ACSS3: variants seen among roughly 807,000 people sequenced by gnomAD.
ACSS3 encodes the protein acyl-CoA synthetase short chain family member 3.
ACSS3 carries 64 observed loss-of-function variants against 84.2 expected under a neutral mutation model. That is an observed-to-expected ratio of 0.76 (90% confidence interval 0.62 to 0.94). The LOEUF (loss-of-function observed/expected upper bound fraction) is 0.94, where lower values mean the gene tolerates loss of function less well. ACSS3 is among the 40% of genes least tolerant of loss of function. ACSS3 has a pLI of 0.00. For missense variants in ACSS3, 815 were observed against 867.6 expected (o/e 0.94, Z 0.76); for synonymous variants, 317 against 310.1 (o/e 1.02, Z -0.23).
intron 1 of ACSS3, among the ~76,000 whole-genome samples, chr12:81,089,093 C>T (rs35351627): frequency 0.077 from 11,752 of 151,790 alleles, 604 homozygotes; most frequent in South Asian, 0.13. Context: ...ATAATGACCA[C>T]ATTATTCATT....
chr12:81,217,815 G>C (rs1017833141), intron 10 of ACSS3, among the ~76,000 whole-genome samples: 4 of 151,914 alleles, frequency 2.6e-5, no homozygotes, highest in Non-Finnish European at 4.4e-5. Flanking sequence ...TCCAGCCTAG[G>C]CAACACAGCA....
At chr12:81,242,225 A>G (rs2033829633) in intron 13 of ACSS3, among the ~76,000 whole-genome samples, 1 of 152,176 alleles carries the variant, frequency 6.6e-6, no homozygotes, top group African/African-American at 2.4e-5. Context: ...GAATACTACA[A>G]ACACCTCTAC....
chr12:81,080,932 C>G (rs1880929458), intron 1 of ACSS3, among the ~76,000 whole-genome samples: 1 of 152,182 alleles, frequency 6.6e-6, no homozygotes, highest in Admixed American at 6.5e-5. Context: ...TTCTTTGAAG[C>G]TGGGATCTGG....
intron 7 of ACSS3, among the ~76,000 whole-genome samples, chr12:81,154,025 A>T (rs1037385886): frequency 6.6e-6 from 1 of 152,180 alleles, no homozygotes; most frequent in African/African-American, 2.4e-5. Context: ...TAGTGCTTTT[A>T]TATCTTGCAT....
At chr12:81,230,677 CAAAAAATAAATTAACTTTTCAATGGTG>C (rs1211924094) in intron 11 of ACSS3, among the ~76,000 whole-genome samples, 74 of 151,846 alleles carry the variant, frequency 4.9e-4, no homozygotes, top group African/African-American at 1.7e-3. Context: ...CTTAGTACTT[CAAAAAATAAATTAACTTTTCAATGGTG>C]AAATAATAGT....
chr12:81,149,914 C>T lies in ACSS3; in HGVS notation c.922-1930C>T, dbSNP rs548294021. ...TTTAATGCTTTTTCACGCATGTTCT[C>T]ATTTTTAAGTCTCTTTTTTTTGGTC... On this transcript the variant is annotated intron_variant, in intron 5 of 15. Transcript: ENST00000548058. Among the ~76,000 whole-genome samples the T allele has an allele frequency of 2.1e-3, 325 of 152,250 alleles. 2 individuals are homozygous for T. Among genetic ancestry groups the T allele is most frequent in the South Asian group, 3.9e-3 (19 of 4,830 alleles).
rs761743979 is a variant in ACSS3 at position 81,220,036 on chromosome 12, C to T, written c.1474C>T (p.Gln492Ter). The T allele has an allele frequency of 1.9e-6, 3 of 1,538,848 alleles. No homozygotes were observed. Among genetic ancestry groups the T allele is most frequent in the Non-Finnish European group, 2.6e-6 (3 of 1,142,332 alleles). The change falls in exon 11 of 16, where the codon CAA (glutamine) becomes TAA (stop). Residue 492 changes from glutamine to a stop codon, truncating the protein, a stop_gained. Transcript: ENST00000548058. LOFTEE classifies it high-confidence loss of function. ...YNVMILDDNMQKLKARCLGNI... is the reference protein window; with the variant it reads ...YNVMILDDNM ...AGTTATGATTTTGGATGACAACATG[C>T]AAAAACTGAAGGCTCGGTGTTTAGG... is the stretch of plus-strand genomic sequence containing the variant.
chr12:81,139,360 T>C, intron 4 of ACSS3, 95 bp downstream of exon 4: 5 of 1,361,880 alleles, frequency 3.7e-6, no homozygotes, highest in Non-Finnish European at 5.1e-6. Flanking sequence ...ATTTATAAGC[T>C]ATTAAGTATA....
At chr12:81,242,609 A>G (rs55657789) in intron 13 of ACSS3, among the ~76,000 whole-genome samples, 4,077 of 147,996 alleles carry the variant, frequency 0.028, 73 homozygotes, top group Non-Finnish European at 0.042. Flanking sequence ...AAAATCCTCA[A>G]TAAAATACTG....
At position 81,233,331 on chromosome 12, in the gene ACSS3, A is replaced by AT; in HGVS notation, c.1597-12dup. The AT allele has an allele frequency of 5.6e-6, 9 of 1,607,808 alleles. No homozygotes were observed. The highest frequency in any genetic ancestry group is 7.7e-6 in the Non-Finnish European group (9 of 1,175,854). ...TAACAGTACATGCTAATCAAATGTT[A>AT]TTTTTTCTTGTTTTCAGGGATATTA... On this transcript the variant is annotated splice_polypyrimidine_tract_variant and intron_variant, in intron 12 of 15. Transcript: ENST00000548058.
intron 1 of ACSS3, among the ~76,000 whole-genome samples, chr12:81,105,691 T>C (rs949398565): frequency 1.3e-5 from 2 of 152,234 alleles, no homozygotes; most frequent in Admixed American, 6.5e-5. Flanking sequence ...ATTGAGTGAC[T>C]AATACATGGC....
At chr12:81,100,027 C>G (rs1024389974) in intron 1 of ACSS3, among the ~76,000 whole-genome samples, 1 of 152,032 alleles carries the variant, frequency 6.6e-6, no homozygotes. Context: ...AACAAGGCCA[C>G]AGTCAAACAT....
At position 81,257,463 on chromosome 12, in the gene ACSS3, A is replaced by C. The variant is rs2034343772; in HGVS notation, c.*2541A>C. 1 of 152,154 alleles carries C rather than the reference A, an allele frequency of 6.6e-6. No homozygotes were observed. The highest frequency in any genetic ancestry group is 1.5e-5 in the Non-Finnish European group (1 of 68,030). The allele number at this position is 152,154 out of a possible 1,614,324, so 9.4% of individuals were successfully genotyped here. ...AACAACAATATAATATTACTAAAAA[A>C]TGCAGACATACTTAAACTTGCTAGA... On this transcript the variant is annotated 3_prime_UTR_variant, in exon 16 of 16. Transcript: ENST00000548058.
rs145240677 is a variant in ACSS3 at position 81,199,440 on chromosome 12, A to G, written c.1350A>G (p.Gln450=). The change falls in exon 9 of 16, where the codon CAA becomes CAG. Residue 450 remains glutamine, a synonymous_variant. Coordinates refer to ENST00000548058, the MANE Select transcript of ACSS3 (RefSeq NM_024560.4). ...FRVPVLDHWW[Q]TETGSPITAS... ...TACCTGTCTTAGACCATTGGTGGCA[A>G]ACTGGTAAGCATTTTCCTAGCATGT... 3.3e-4 allele frequency: 534 copies of G among 1,611,946 alleles called. 3 individuals are homozygous for G. The African/African-American group carries it at 6.7e-3, about 20-fold the overall frequency.
Position 81,109,559 on chromosome 12 carries a change from G to A in ACSS3, c.312-1G>A. 1.9e-6 allele frequency: 3 copies of A among 1,602,070 alleles called. No individual in the cohort carries two copies. Among genetic ancestry groups the A allele is most frequent in the Non-Finnish European group, 2.6e-6 (3 of 1,175,808 alleles). On this transcript the variant is annotated splice_acceptor_variant, in intron 1 of 15. Transcript: ENST00000548058. LOFTEE classifies it high-confidence loss of function. ...ACCTTTACTTTCCAATTATTTTTCA[G>A]GTTTGTGGAAGGAATGCTTAACATT...
intron 8 of ACSS3, among the ~76,000 whole-genome samples, 160 bp downstream of exon 8, chr12:81,175,099 T>A (rs2030377043): frequency 1.3e-5 from 2 of 152,240 alleles, no homozygotes; most frequent in Non-Finnish European, 2.9e-5. Context: ...TTTGAAATAG[T>A]TGGAATTTTA....
chr12:81,198,510 G>T (rs2031947631), intron 8 of ACSS3, among the ~76,000 whole-genome samples: 2 of 150,564 alleles, frequency 1.3e-5, no homozygotes, highest in South Asian at 2.1e-4. Flanking sequence ...GTTTTACTTT[G>T]ATGATAAATG....
intron 11 of ACSS3, among the ~76,000 whole-genome samples, chr12:81,221,703 G>T (rs1008474515): frequency 6.6e-5 from 10 of 152,010 alleles, no homozygotes; most frequent in African/African-American, 2.4e-4. Flanking sequence ...ACATAGAGCT[G>T]GTTCAAATTT....
chr12:81,200,233 C>T (rs963375864), intron 9 of ACSS3, among the ~76,000 whole-genome samples: 4 of 152,114 alleles, frequency 2.6e-5, no homozygotes, highest in African/African-American at 9.7e-5. Flanking sequence ...TTTACCTCCT[C>T]ACAAAGTACA....
Sources: allele counts gnomAD v4.1 joint callset (sites outside exome capture counted in the v4.1 genomes callset), GRCh38; gene constraint gnomAD v4.1.1; transcripts MANE v1.5; gene names NCBI Gene and HGNC (gene_info 2026-07-23, HGNC 2026-07-21).